The following CCDC148 variants were observed in gnomAD, a reference collection of about 807,000 sequenced individuals.
CCDC148 encodes the protein coiled-coil domain-containing protein 148.
A neutral mutation model predicts 85.7 loss-of-function variants in CCDC148; 89 were observed. That is an observed-to-expected ratio of 1.04 (90% CI 0.87 to 1.24). The LOEUF (loss-of-function observed/expected upper bound fraction) is 1.24, where lower values mean the gene tolerates loss of function less well. CCDC148 is among the 50% of genes most tolerant of loss of function. The pLI is 0.00. For missense variants in CCDC148, 692 were observed against 671.7 expected (o/e 1.03, Z -0.33); for synonymous variants, 230 against 213.9 (o/e 1.08, Z -0.66).
At chr2:158,286,288 T>A (rs925920913) in intron 9 of CCDC148, among the ~76,000 whole-genome samples, 3 of 152,208 alleles carry the variant, frequency 2.0e-5, no homozygotes, top group African/African-American at 7.2e-5. Context: ...GAGGCTGCTC[T>A]GCCTATGGAG....
Position 158,416,845 on chromosome 2 carries a change from T to C in CCDC148, c.25+39570A>G, listed in dbSNP as rs530893695. 6.6e-5 allele frequency among the ~76,000 whole-genome samples: 10 copies of C among 152,296 alleles called. No homozygotes were observed. In the South Asian group the frequency reaches 1.2e-3, roughly 19 times the overall value. ...TTTTCTGTATTCATCCAGTCTCACA[T>C]TGCTATAAAGAACTACTGGAGACTG... On this transcript the variant is annotated intron_variant, in intron 1 of 13. Transcript: ENST00000283233.
At chr2:158,308,620 A>G in intron 9 of CCDC148, among the ~76,000 whole-genome samples, 1 of 152,156 alleles carries the variant, frequency 6.6e-6, no homozygotes, top group South Asian at 2.1e-4. Flanking sequence ...TCTTCCTACC[A>G]TATCATTTAT....
Position 158,363,445 on chromosome 2 carries a change from A to C in CCDC148, c.26-4875T>G, listed in dbSNP as rs566563011. ...ATACTGGCAAACCAAATCCAGCAGC[A>C]CATCAAAAAGCTTATCCACCATGAT... On this transcript the variant is annotated intron_variant, in intron 1 of 13. Transcript: ENST00000283233. Among the ~76,000 whole-genome samples the C allele has an allele frequency of 3.9e-5, 6 of 152,306 alleles. No individual in the cohort carries two copies. In the East Asian group the frequency reaches 1.2e-3, roughly 29 times the overall value.
intron 1 of CCDC148, among the ~76,000 whole-genome samples, chr2:158,366,524 T>G (rs1171949946): frequency 6.6e-6 from 1 of 152,174 alleles, no homozygotes; most frequent in African/African-American, 2.4e-5. Context: ...AGTCTACAGA[T>G]AGCCTCCAGC....
intron 7 of CCDC148, among the ~76,000 whole-genome samples, chr2:158,335,228 C>T (rs982431630): frequency 3.9e-5 from 6 of 152,182 alleles, no homozygotes; most frequent in Non-Finnish European, 4.4e-5. Context: ...TTCTTGGTAA[C>T]ATCCATGCAG....
At chr2:158,450,027 C>A (rs1688339983) in intron 1 of CCDC148, among the ~76,000 whole-genome samples, 1 of 149,138 alleles carries the variant, frequency 6.7e-6, no homozygotes, top group Non-Finnish European at 1.5e-5. Context: ...TAACTACAGA[C>A]AAATGTGGCA....
intron 9 of CCDC148, among the ~76,000 whole-genome samples, chr2:158,282,222 C>T (rs904746818): frequency 7.9e-5 from 12 of 152,032 alleles, no homozygotes; most frequent in East Asian, 5.8e-4. Flanking sequence ...TGGCACAAGA[C>T]AGGGATGCCC....
chr2:158,287,705 G>A (rs116861883), intron 9 of CCDC148, among the ~76,000 whole-genome samples: 3,036 of 152,248 alleles, frequency 0.02, 53 homozygotes, highest in South Asian at 0.052. Flanking sequence ...CTGCTTTCAC[G>A]GGCTGGCATT....
intron 1 of CCDC148, among the ~76,000 whole-genome samples, chr2:158,410,462 C>T (rs1428845125): frequency 4.6e-5 from 7 of 152,006 alleles, no homozygotes; most frequent in East Asian, 1.9e-4. Context: ...TTTTTTGTTA[C>T]GACATGATTT....
At chr2:158,358,358 A>G in intron 2 of CCDC148, 91 bp downstream of exon 2, 1 of 1,439,508 alleles carries the variant, frequency 6.9e-7, no homozygotes. Context: ...ACTATTTGGA[A>G]TGTCATTTAT....
intron 11 of CCDC148, among the ~76,000 whole-genome samples, chr2:158,210,787 C>CAAAAAAAAAAAAAA (rs34273946): frequency 3.4e-5 from 3 of 89,448 alleles, no homozygotes; most frequent in Non-Finnish European, 4.1e-5. Flanking sequence ...ACTAAAAATA[C>CAAAAAAAAAAAAAA]AAAAAAAAAA....
At chr2:158,329,684 A>C (rs555958587) in intron 7 of CCDC148, among the ~76,000 whole-genome samples, 59 of 151,882 alleles carry the variant, frequency 3.9e-4, no homozygotes, top group South Asian at 3.5e-3. Flanking sequence ...CTTTTATTTC[A>C]TTGAGCAGTG....
At chr2:158,305,438 G>C (rs1446832778) in intron 9 of CCDC148, among the ~76,000 whole-genome samples, 1 of 152,138 alleles carries the variant, frequency 6.6e-6, no homozygotes, top group African/African-American at 2.4e-5. Flanking sequence ...TAACAATCTA[G>C]TGCAGGGGAA....
At chr2:158,366,326 G>GC (rs1684201649) in intron 1 of CCDC148, among the ~76,000 whole-genome samples, 1 of 152,006 alleles carries the variant, frequency 6.6e-6, no homozygotes, top group African/African-American at 2.4e-5. Flanking sequence ...GATTGTTCCA[G>GC]TGACTGATAA....
At chr2:158,340,763 T>A (rs548433514) in intron 3 of CCDC148, 83 bp from the exon 4 acceptor site, 2 of 795,938 alleles carry the variant, frequency 2.5e-6, no homozygotes, top group South Asian at 3.7e-5. Flanking sequence ...AGATATTTAG[T>A]CTAATATGGC....
At chr2:158,292,862 A>G (rs1188195751) in intron 9 of CCDC148, among the ~76,000 whole-genome samples, 1 of 152,228 alleles carries the variant, frequency 6.6e-6, no homozygotes, top group Non-Finnish European at 1.5e-5. Context: ...AATACAAGTA[A>G]ATTATCAGAG....
chr2:158,425,043 G>A, intron 1 of CCDC148: 1 of 437,704 alleles, frequency 2.3e-6, no homozygotes, highest in South Asian at 1.7e-5. Context: ...TGAATGAGGG[G>A]GCCCTAGGGG....
chr2:158,270,850 T>C (rs527324573), intron 9 of CCDC148, among the ~76,000 whole-genome samples: 262 of 152,218 alleles, frequency 1.7e-3, no homozygotes, highest in South Asian at 7.9e-3. Context: ...TTCAAAATGG[T>C]AAAAGCTGAT....
At chr2:158,225,023 G>C (rs1401509166) in intron 10 of CCDC148, among the ~76,000 whole-genome samples, 3 of 152,158 alleles carry the variant, frequency 2.0e-5, no homozygotes, top group Non-Finnish European at 4.4e-5. Context: ...TGGATAAAGA[G>C]TGAAGACCCA....
Sources: gnomAD v4.1 joint callset for allele counts (sites outside exome capture counted in the v4.1 genomes callset) on GRCh38, gnomAD v4.1.1 for gene constraint, MANE v1.5 for transcripts, NCBI Gene and HGNC (gene_info 2026-07-23, HGNC 2026-07-21) for gene names.